Variants in DACT3 observed in about 807,000 individuals in gnomAD.
The protein encoded by DACT3 is dapper homolog 3.
DACT3 carries 5 observed loss-of-function variants against 19.6 expected under a neutral mutation model. The observed-to-expected ratio is 0.26, with a 90% CI of 0.13 to 0.54. The LOEUF (loss-of-function observed/expected upper bound fraction) is 0.54, where lower values mean the gene tolerates loss of function less well. Among genes scored for constraint, DACT3 ranks in the 20% least tolerant of loss-of-function variants. The pLI is 0.95. For missense variants in DACT3, 908 were observed against 927.4 expected, an observed-to-expected ratio of 0.98 and a Z score of 0.27; for synonymous variants, 454 against 428.1, an observed-to-expected ratio of 1.06 and a Z score of -0.75.
In DACT3 at chr19:46,648,582, C is replaced by T. The variant is rs745678004; in HGVS notation, c.1790G>A (p.Gly597Asp). ...GGGAGAGAPA[G>D]PAKVFVKIKA... Reference sequence around the variant, plus strand: ...GATTTTCACGAAGACTTTGGCGGGGCCTGCGGGCGCCCCTGCACCTGCTCC... The same window carrying T: ...GATTTTCACGAAGACTTTGGCGGGGTCTGCGGGCGCCCCTGCACCTGCTCC... Residue 597 changes from glycine (G) to aspartate (D), a missense_variant, in exon 4 of 4, where the codon GGC becomes GAC. Physicochemically the swap from Gly to Asp is moderately conservative, Grantham distance 94. Around this residue, in one of 2 missense-constraint regions of DACT3, gnomAD observed 656 missense variants for 601.8 expected, o/e 1.09. Coordinates refer to ENST00000391916, the MANE Select transcript of DACT3 (RefSeq NM_145056.3). The surrounding 1 kb of genome is among the most constrained non-coding windows in gnomAD (Gnocchi z 5.1). 4 of 1,613,620 alleles carry T rather than the reference C, an allele frequency of 2.5e-6. No individual in the cohort carries two copies. The highest frequency in any genetic ancestry group is 1.1e-5 in the South Asian group (1 of 91,084).
chr19:46,654,960 T>G (rs1248387083), intron 1 of DACT3: 2 of 985,210 alleles, frequency 2.0e-6, no homozygotes, highest in Admixed American at 1.2e-4. Flanking sequence ...TATATTGAGA[T>G]GCTCACAGTG....
chr19:46,654,900 T>C (rs1212983346), intron 1 of DACT3: 3 of 983,062 alleles, frequency 3.1e-6, no homozygotes, highest in African/African-American at 1.8e-5. Flanking sequence ...CCGGGCCTGT[T>C]TATTTGAGGA....
chr19:46,655,921 C>A (rs1168559682), intron 1 of DACT3, among the ~76,000 whole-genome samples: 12 of 108,700 alleles, frequency 1.1e-4, no homozygotes, highest in South Asian at 8.8e-4. Context: ...CTCTCTCTCT[C>A]TCTCTATATA....
rs774957424 is a variant in DACT3, at chr19:46,648,885, G to T, written c.1487C>A (p.Ala496Glu). The T allele has an allele frequency of 2.9e-6, 4 of 1,401,720 alleles. No individual in the cohort carries two copies. Among genetic ancestry groups the T allele is most frequent in the Non-Finnish European group, 3.7e-6 (4 of 1,088,558 alleles). 86.8% of individuals were successfully genotyped at this position (1,401,720 alleles called of 1,614,324 possible). A position where few individuals can be genotyped will look rare whatever the true frequency, so the allele number is the denominator to read the frequency against. Residue 496 changes from alanine to glutamate, a missense_variant, in exon 4 of 4, where the codon GCG becomes GAG. By Grantham distance (107) the Ala-to-Glu change is moderately radical. Around this residue, in one of 2 missense-constraint regions of DACT3, gnomAD observed 656 missense variants for 601.8 expected, o/e 1.09. Coordinates refer to ENST00000391916, the MANE Select transcript of DACT3 (RefSeq NM_145056.3). This position sits in a 1 kb window ranked among gnomAD's most constrained non-coding sequence, Gnocchi z 5.1. ...DGRRVRPRAP[A>E]ARVPGPGPSP... ...CGGGCCGGGGCCGGGAACACGCGCC[G>T]CAGGGGCTCGGGGCCGCACGCGGCG... is the stretch of plus-strand genomic sequence containing the variant.
chr19:46,653,970 T>A, intron 1 of DACT3: 1 of 985,190 alleles, frequency 1.0e-6, no homozygotes, highest in South Asian at 4.7e-5. Context: ...CTTTCCCCCA[T>A]ATGGGTAAAA....
rs1482625526 is a variant in DACT3 at position 46,649,014 on chromosome 19, C to T, written c.1358G>A (p.Arg453Gln). Residue 453 changes from arginine to glutamine, a missense_variant, in exon 4 of 4, where the codon CGG (arginine) becomes CAG (glutamine). Physicochemically the swap from Arg to Gln is conservative, Grantham distance 43. Transcript: ENST00000391916. Reference protein sequence around the residue: ...KYPTAEREEPRPPRPRRGPAP... With the variant: ...KYPTAEREEPQPPRPRRGPAP... ...TGGGCCGCGGCGTGGCCGTGGAGGC[C>T]GAGGCTCTTCCCGCTCCGCCGTGGG... is the stretch of plus-strand genomic sequence containing the variant. The T allele has an allele frequency of 1.6e-5, 20 of 1,268,200 alleles. No individual in the cohort carries two copies. The highest frequency in any genetic ancestry group is 1.9e-5 in the Non-Finnish European group (19 of 1,008,662). The allele number at this position is 1,268,200 out of a possible 1,614,324, so 78.6% of individuals were successfully genotyped here.
intron 1 of DACT3, chr19:46,654,363 G>A (rs1599791449): frequency 3.7e-6 from 2 of 535,208 alleles, no homozygotes; most frequent in East Asian, 3.0e-4. Context: ...GTTTGCGCCT[G>A]TAGTCCCAGC....
In DACT3 at chr19:46,660,751, G is replaced by T; in HGVS notation, c.249+65C>A. The T allele has an allele frequency of 7.1e-7, 1 of 1,406,596 alleles. No individual in the cohort carries two copies. The highest frequency in any genetic ancestry group is 3.0e-5 in the Admixed American group (1 of 32,840). The allele number at this position is 1,406,596 out of a possible 1,614,324, so 87.1% of individuals were successfully genotyped here. On this transcript the variant is annotated intron_variant, in intron 1 of 3. Transcript: ENST00000391916. This position sits in a 1 kb window ranked among gnomAD's most constrained non-coding sequence, Gnocchi z 4.9. Reference sequence around the variant, plus strand: ...TCCCCAACCCCCGCCCGGTGTCTGAGCATCCAACCGAGACAGACAGACACA... The same window carrying T: ...TCCCCAACCCCCGCCCGGTGTCTGATCATCCAACCGAGACAGACAGACACA...
chr19:46,651,642 GTT>G (rs1201466048), intron 3 of DACT3: 1 of 121,910 alleles, frequency 8.2e-6, no homozygotes, highest in Middle Eastern at 3.9e-3. Flanking sequence ...GGCAGGCACT[GTT>G]TGTGTGTGTG....
rs980735397 is a variant in DACT3 at position 46,655,925 on chromosome 19, C to CTCTCTCTCTCTCTCTCTA, written c.250-2851_250-2850insTAGAGAGAGAGAGAGAGA. Reference sequence around the variant, plus strand: ...AGTCTCTCTCTCTCTCTCTCTCTCTCTATATATATATATATATATATACAC... The same window carrying CTCTCTCTCTCTCTCTCTA: ...AGTCTCTCTCTCTCTCTCTCTCTCTCTCTCTCTCTCTCTCTCTATATATATATATATATATATATACAC... On this transcript the variant is annotated intron_variant, in intron 1 of 3. Coordinates refer to ENST00000391916, the MANE Select transcript of DACT3 (RefSeq NM_145056.3). 7.2e-4 allele frequency among the ~76,000 whole-genome samples: 100 copies of CTCTCTCTCTCTCTCTCTA among 137,932 alleles called. 1 individual carries two copies. The highest frequency in any genetic ancestry group is 9.5e-4 in the South Asian group (4 of 4,232). 90.5% of individuals were successfully genotyped at this position (137,932 alleles called of 152,430 possible).
intron 1 of DACT3, chr19:46,659,511 A>T: frequency 1.0e-6 from 1 of 983,268 alleles, no homozygotes; most frequent in Non-Finnish European, 1.2e-6. Flanking sequence ...GAAGGCCCCC[A>T]CAATCCGTCT....
In DACT3 at chr19:46,649,091, C is replaced by T. The variant is rs982808416; in HGVS notation, c.1281G>A (p.Glu427=). The T allele has an allele frequency of 7.2e-5, 94 of 1,299,584 alleles. No individual in the cohort carries two copies. Among genetic ancestry groups the T allele is most frequent in the Admixed American group, 3.6e-4 (9 of 24,898 alleles). 80.5% of individuals were successfully genotyped at this position (1,299,584 alleles called of 1,614,324 possible). ...CGGAGGCGCGGCCCAGCAGGCTGGT[C>T]TCAGACTGGGAGCGCGAGGCCTTGC... ...RARKASRSQS[E]TSLLGRASAV... Residue 427 remains glutamate (E), a synonymous_variant, in exon 4 of 4, where the codon GAG becomes GAA. Coordinates refer to ENST00000391916, the MANE Select transcript of DACT3 (RefSeq NM_145056.3).
intron 3 of DACT3, chr19:46,651,327 C>T (rs8106051): frequency 0.25 from 37,243 of 151,998 alleles, 6,636 homozygotes; most frequent in African/African-American, 0.51. Context: ...GTGATCTGCC[C>T]GTCTCGGCCT....
chr19:46,660,703 T>C lies in DACT3; in HGVS notation c.249+113A>G. On this transcript the variant is annotated intron_variant, in intron 1 of 3. Transcript: ENST00000391916. The surrounding 1 kb of genome is among the most constrained non-coding windows in gnomAD (Gnocchi z 4.9). The stretch of plus-strand genomic sequence containing the variant: ...GGTCGCCAGCCCCACCCCCTGTCCT[T>C]TCTCACTCCCTGCCTACCCGGGTCC... The C allele has an allele frequency of 7.2e-7, 1 of 1,393,168 alleles. No individual in the cohort carries two copies. The highest frequency in any genetic ancestry group is 9.3e-7 in the Non-Finnish European group (1 of 1,079,066). 86.3% of individuals were successfully genotyped at this position (1,393,168 alleles called of 1,614,324 possible).
chr19:46,660,849 C>G lies in DACT3; in HGVS notation c.216G>C (p.Ala72=). The change falls in exon 1 of 4, where the codon GCG becomes GCC. Residue 72 remains alanine (A), a synonymous_variant. Transcript: ENST00000391916. The surrounding 1 kb of genome is among the most constrained non-coding windows in gnomAD (Gnocchi z 4.9). ...DADEDEDAAA[A]RRAAAALEEQ... is the part of the protein sequence containing the mutation. ...CCTCCAGGGCCGCTGCGGCCCGGCGCGCCGCCGCCGCATCTTCATCCTCAT... is the reference window on the plus strand; with the variant it reads ...CCTCCAGGGCCGCTGCGGCCCGGCGGGCCGCCGCCGCATCTTCATCCTCAT... 6.6e-7 allele frequency: 1 copy of G among 1,519,984 alleles called. No individual in the cohort carries two copies. The highest frequency in any genetic ancestry group is 2.1e-5 in the Admixed American group (1 of 48,738). The allele number at this position is 1,519,984 out of a possible 1,614,324, so 94.2% of individuals were successfully genotyped here.
Position 46,648,864 on chromosome 19 carries a change from C to T in DACT3, c.1508G>A (p.Gly503Asp), listed in dbSNP as rs2052946633. The change falls in exon 4 of 4, where the codon GGC becomes GAC. Residue 503 changes from glycine to aspartate, a missense_variant. Physicochemically the swap from Gly to Asp is moderately conservative, Grantham distance 94 (BLOSUM62 -1). Transcript: ENST00000391916. The surrounding 1 kb of genome is among the most constrained non-coding windows in gnomAD (Gnocchi z 5.1). ...RAPAARVPGP[G>D]PSPSAPQRRL... ...ACGCTGGGGAGCTGACGGGGACGGG[C>T]CGGGGCCGGGAACACGCGCCGCAGG... The T allele has an allele frequency of 1.4e-6, 2 of 1,427,216 alleles. No individual in the cohort carries two copies. Among genetic ancestry groups the T allele is most frequent in the Middle Eastern group, 2.5e-4 (1 of 3,936 alleles). The allele number at this position is 1,427,216 out of a possible 1,614,324, so 88.4% of individuals were successfully genotyped here.
chr19:46,651,781 C>A (rs2052988769), intron 3 of DACT3: 1 of 151,618 alleles, frequency 6.6e-6, no homozygotes, highest in Admixed American at 6.6e-5. Context: ...CTCACTGCAA[C>A]CTCTGCCTCC....
chr19:46,655,963 AT>A (rs2053030978), intron 1 of DACT3, among the ~76,000 whole-genome samples: 5 of 150,658 alleles, frequency 3.3e-5, no homozygotes, highest in Non-Finnish European at 5.9e-5. Flanking sequence ...ACACACATAT[AT>A]ATATACACAC....
At position 46,648,685 on chromosome 19, in the gene DACT3, C is replaced by A; in HGVS notation, c.1687G>T (p.Ala563Ser). The change falls in exon 4 of 4, where the codon GCC becomes TCC. Residue 563 changes from alanine (A) to serine (S), a missense_variant. By Grantham distance (99) the Ala-to-Ser change is moderately conservative. Coordinates refer to ENST00000391916, the MANE Select transcript of DACT3 (RefSeq NM_145056.3). The surrounding 1 kb of genome is among the most constrained non-coding windows in gnomAD (Gnocchi z 5.1). The stretch of plus-strand genomic sequence containing the variant: ...CCGCTGCCGTCTGAGTCGCTGGAGG[C>A]AGAGCTGAAGGCAGGCGATTCTCCC... ...SEGESPAFSS[A>S]SSDSDGSGGL... The A allele has an allele frequency of 6.2e-7, 1 of 1,611,360 alleles. No homozygotes were observed. Among genetic ancestry groups the A allele is most frequent in the East Asian group, 2.2e-5 (1 of 44,846 alleles).
Sources: gnomAD v4.1 joint callset for allele counts (sites outside exome capture counted in the v4.1 genomes callset) on GRCh38, gnomAD v4.1.1 for gene constraint, gnomAD v4.1.1 regional missense constraint, Gnocchi (gnomAD v3.1) non-coding constraint, MANE v1.5 for transcripts, NCBI Gene and HGNC (gene_info 2026-07-23, HGNC 2026-07-21) for gene names.